Variants in GLIS3 observed in about 807,000 individuals in gnomAD.
GLIS3 encodes the protein zinc finger protein GLIS3.
In GLIS3, 53 loss-of-function variants were observed where a neutral mutation model predicts 78.6. The observed-to-expected ratio is 0.67, with a 90% CI of 0.54 to 0.85. The LOEUF (loss-of-function observed/expected upper bound fraction) is 0.85, where lower values mean the gene tolerates loss of function less well. Ranked by LOEUF, GLIS3 falls within the 40% of genes least tolerant of loss-of-function variation. The pLI is 0.00. For missense variants in GLIS3, 1,703 were observed against 1,231.1 expected, an observed-to-expected ratio of 1.38 and a Z score of -5.74; for synonymous variants, 684 against 509.9, an observed-to-expected ratio of 1.34 and a Z score of -4.60.
At chr9:4,178,781 C>T (rs557576916) in intron 2 of GLIS3, among the ~76,000 whole-genome samples, 20 of 152,258 alleles carry the variant, frequency 1.3e-4, no homozygotes, top group African/African-American at 3.4e-4. Context: ...CAGTTACCTA[C>T]CCCACACCCA....
At chr9:4,252,599 G>C (rs569069396) in intron 2 of GLIS3, among the ~76,000 whole-genome samples, 56 of 152,186 alleles carry the variant, frequency 3.7e-4, no homozygotes, top group African/African-American at 1.3e-3. Context: ...ACCTTCTGAA[G>C]CCTACTTCTG....
chr9:4,435,202 C>G, the GLIS3 span, among the ~76,000 whole-genome samples: 2 of 152,308 alleles, frequency 1.3e-5, no homozygotes, highest in African/African-American at 4.8e-5. Context: ...CTGGAAGACA[C>G]TTTCTTTGCT....
the GLIS3 span, among the ~76,000 whole-genome samples, chr9:4,432,814 T>C: frequency 6.6e-6 from 1 of 151,938 alleles, no homozygotes; most frequent in Non-Finnish European, 1.5e-5. Context: ...CTAATTTTTG[T>C]ATTTTTAGTA....
the GLIS3 span, among the ~76,000 whole-genome samples, chr9:4,410,718 T>G: frequency 6.6e-6 from 1 of 152,240 alleles, no homozygotes; most frequent in Non-Finnish European, 1.5e-5. Context: ...TACTCAACTT[T>G]GCATTCATCA....
intron 4 of GLIS3, among the ~76,000 whole-genome samples, chr9:4,015,764 C>T (rs1470243906): frequency 1.3e-5 from 2 of 151,828 alleles, no homozygotes; most frequent in African/African-American, 2.4e-5. Context: ...TGGCGGGCGC[C>T]TGTAATCCCA....
At chr9:3,833,453 A>C (rs1020615254) in intron 9 of GLIS3, among the ~76,000 whole-genome samples, 2 of 152,224 alleles carry the variant, frequency 1.3e-5, no homozygotes, top group Non-Finnish European at 2.9e-5. Context: ...GTTGGATTTC[A>C]CATAGCAAAT....
At chr9:3,906,207 G>A (rs182339846) in intron 6 of GLIS3, among the ~76,000 whole-genome samples, 75 of 152,310 alleles carry the variant, frequency 4.9e-4, no homozygotes, top group African/African-American at 1.7e-3. Context: ...TGAACCACTG[G>A]AAGTGTGTAA....
chr9:4,382,191 T>C, the GLIS3 span, among the ~76,000 whole-genome samples: 1 of 152,252 alleles, frequency 6.6e-6, no homozygotes, highest in African/African-American at 2.4e-5. Context: ...TTTCTGTTTT[T>C]CTGGCCAGAT....
At chr9:3,887,139 C>T (rs57293978) in intron 7 of GLIS3, among the ~76,000 whole-genome samples, 2,389 of 152,184 alleles carry the variant, frequency 0.016, 59 homozygotes, top group African/African-American at 0.055. Context: ...TTTTCCTTCC[C>T]ACTTTGCAGT....
At chr9:4,326,374 T>G (rs1385798988) in intron 2 of GLIS3, among the ~76,000 whole-genome samples, 2 of 152,206 alleles carry the variant, frequency 1.3e-5, no homozygotes, top group African/African-American at 4.8e-5. Flanking sequence ...TTATTCAGCC[T>G]TCAAAAGCAA....
At position 3,824,526 on chromosome 9, in the gene GLIS3, C is replaced by T. The variant is rs189297823; in HGVS notation, c.*3746G>A. On this transcript the variant is annotated 3_prime_UTR_variant, in exon 11 of 11. Transcript: ENST00000381971. ...CCAAGTGCACAATCCCTTCATTTTACTTTTGACATAAAAAAAGGACTTCAT... is the reference window on the plus strand; with the variant it reads ...CCAAGTGCACAATCCCTTCATTTTATTTTTGACATAAAAAAAGGACTTCAT... The T allele has an allele frequency of 6.6e-6, 1 of 152,192 alleles. No homozygotes were observed. Among genetic ancestry groups the T allele is most frequent in the Non-Finnish European group, 1.5e-5 (1 of 68,036 alleles). The allele number at this position is 152,192 out of a possible 1,614,324, so 9.4% of individuals were successfully genotyped here. A position where few individuals can be genotyped will look rare whatever the true frequency, so the allele number is the denominator to read the frequency against.
chr9:4,243,688 G>C (rs1238883260), intron 2 of GLIS3, among the ~76,000 whole-genome samples: 1 of 152,166 alleles, frequency 6.6e-6, no homozygotes, highest in Non-Finnish European at 1.5e-5. Flanking sequence ...GATCACTAAG[G>C]AAAATCAAAA....
chr9:4,477,274 C>A, the GLIS3 span, among the ~76,000 whole-genome samples: 1 of 145,912 alleles, frequency 6.9e-6, no homozygotes, highest in African/African-American at 2.5e-5. Context: ...ATGTGTGAAC[C>A]TAAACGACAT....
chr9:4,287,612 G>C (rs896961067), intron 1 of GLIS3, among the ~76,000 whole-genome samples: 1 of 152,188 alleles, frequency 6.6e-6, no homozygotes, highest in East Asian at 1.9e-4. Context: ...AGGAAATAAG[G>C]ACTGAGTACA....
At chr9:4,421,016 G>C in the GLIS3 span, among the ~76,000 whole-genome samples, 9 of 152,144 alleles carry the variant, frequency 5.9e-5, no homozygotes, top group Non-Finnish European at 1.2e-4. Flanking sequence ...TTGCACGTTC[G>C]CTTCTGCACT....
chr9:4,329,792 T>C (rs899759245), intron 2 of GLIS3, among the ~76,000 whole-genome samples: 2 of 152,148 alleles, frequency 1.3e-5, no homozygotes, highest in African/African-American at 4.8e-5. Context: ...TACAACGTAT[T>C]AATACTGTCA....
chr9:4,101,751 T>C (rs1830388099), intron 4 of GLIS3, among the ~76,000 whole-genome samples: 1 of 152,108 alleles, frequency 6.6e-6, no homozygotes, highest in Non-Finnish European at 1.5e-5. Flanking sequence ...ATCTCAAGCT[T>C]CTTTTTGGCT....
intron 4 of GLIS3, among the ~76,000 whole-genome samples, chr9:4,109,125 T>C (rs1831007600): frequency 6.6e-6 from 1 of 152,128 alleles, no homozygotes; most frequent in South Asian, 2.1e-4. Flanking sequence ...TCTGTATTAA[T>C]TTAGTCTGAG....
chr9:3,962,460 C>T (rs2130886645), intron 4 of GLIS3, among the ~76,000 whole-genome samples: 2 of 152,194 alleles, frequency 1.3e-5, no homozygotes, highest in Middle Eastern at 3.4e-3. Context: ...TTAATTTTCT[C>T]TTTTTAAAGG....
Sources: gnomAD v4.1 joint callset for allele counts (sites outside exome capture counted in the v4.1 genomes callset) on GRCh38, gnomAD v4.1.1 for gene constraint, MANE v1.5 for transcripts, NCBI Gene and HGNC (gene_info 2026-07-23, HGNC 2026-07-21) for gene names.